Variants in NELL2 observed in about 807,000 individuals in gnomAD.
NELL2 encodes the protein neural EGFL like 2, also known as protein kinase C-binding protein NELL2.
In NELL2, 41 loss-of-function variants were observed where a neutral mutation model predicts 109.6. The observed-to-expected ratio is 0.37, with a 90% CI of 0.29 to 0.49. The LOEUF (loss-of-function observed/expected upper bound fraction) is 0.49. Ranked by LOEUF, NELL2 falls within the 20% of genes least tolerant of loss-of-function variation. The pLI, the probability that NELL2 is intolerant of heterozygous loss-of-function variation, is 0.98. For missense variants in NELL2, 900 were observed against 1,008.3 expected (o/e 0.89, Z 1.45); for synonymous variants, 355 against 344.7 (o/e 1.03, Z -0.33).
At chr12:44,593,887 G>C (rs1249607880) in intron 15 of NELL2, among the ~76,000 whole-genome samples, 1 of 152,076 alleles carries the variant, frequency 6.6e-6, no homozygotes, top group Non-Finnish European at 1.5e-5. Flanking sequence ...CAACCCAAAT[G>C]CCCATCAATG....
chr12:44,518,843 C>T (rs1359755915), intron 19 of NELL2, among the ~76,000 whole-genome samples: 4 of 152,122 alleles, frequency 2.6e-5, no homozygotes, highest in East Asian at 1.9e-4. Flanking sequence ...AAAGGAACAT[C>T]GCATATACAT....
chr12:44,731,305 AC>A (rs1480293387), intron 9 of NELL2, among the ~76,000 whole-genome samples: 6 of 152,154 alleles, frequency 3.9e-5, no homozygotes, highest in African/African-American at 1.4e-4. Context: ...AAAGAGTACT[AC>A]AAGCCAGTAT....
intron 2 of NELL2, among the ~76,000 whole-genome samples, chr12:44,874,259 C>T (rs993650583): frequency 1.3e-5 from 2 of 152,148 alleles, no homozygotes. Context: ...ACAACAACAA[C>T]AACAAAAATC....
At chr12:44,918,895 G>A (rs1385377849), upstream of NELL2, among the ~76,000 whole-genome samples, 2 of 152,078 alleles carry the variant, frequency 1.3e-5, no homozygotes, top group Non-Finnish European at 2.9e-5. Context: ...CAATGTAGAG[G>A]CTAACACTGC....
At chr12:44,755,659 G>C (rs1333265577) in intron 9 of NELL2, among the ~76,000 whole-genome samples, 1 of 152,018 alleles carries the variant, frequency 6.6e-6, no homozygotes. Context: ...CTTCCAGGTG[G>C]CCTCAACTAT....
intron 12 of NELL2, among the ~76,000 whole-genome samples, chr12:44,701,974 T>G (rs1430625024): frequency 6.6e-6 from 1 of 152,146 alleles, no homozygotes; most frequent in Non-Finnish European, 1.5e-5. Context: ...TCCACTACGT[T>G]TTCCTTCATT....
chr12:44,701,584 T>C (rs1456554745), intron 12 of NELL2, among the ~76,000 whole-genome samples: 1 of 152,158 alleles, frequency 6.6e-6, no homozygotes, highest in Non-Finnish European at 1.5e-5. Flanking sequence ...ATCCATGTGT[T>C]GCTCAGATTC....
intron 13 of NELL2, among the ~76,000 whole-genome samples, chr12:44,637,996 T>C (rs562672297): frequency 8.5e-4 from 130 of 152,226 alleles, no homozygotes; most frequent in African/African-American, 3.1e-3. Flanking sequence ...TCTTTCTTAC[T>C]GCAAAAGCCC....
intron 3 of NELL2, among the ~76,000 whole-genome samples, chr12:44,806,887 AT>A (rs942039173): frequency 6.6e-6 from 1 of 151,806 alleles, no homozygotes; most frequent in Non-Finnish European, 1.5e-5. Flanking sequence ...TATATTTCAA[AT>A]GAGGGAGGGG....
chr12:44,840,510 G>A (rs768638272), intron 2 of NELL2, among the ~76,000 whole-genome samples: 15 of 152,076 alleles, frequency 9.9e-5, no homozygotes, highest in African/African-American at 2.2e-4. Context: ...GGTGGTGGGC[G>A]CCTGTAGTGC....
At chr12:44,699,862 G>A (rs1028759693) in intron 12 of NELL2, among the ~76,000 whole-genome samples, 9 of 151,888 alleles carry the variant, frequency 5.9e-5, no homozygotes, top group South Asian at 2.1e-4. Flanking sequence ...GTTTGCTATC[G>A]CCATCACCAA....
Position 44,636,886 on chromosome 12 carries a change from C to T in NELL2, c.1445-25916G>A, listed in dbSNP as rs531238893. ...TGCTTTGATTCCGTCTGGTCTGGTG[C>T]TTTTTTTGCTTGGTAGGCTATTATT... is the stretch of plus-strand genomic sequence containing the variant. On this transcript the variant is annotated intron_variant, in intron 13 of 19. Transcript: ENST00000429094. 1.8e-3 allele frequency among the ~76,000 whole-genome samples: 272 copies of T among 152,064 alleles called. 2 individuals are homozygous for T. The highest frequency in any genetic ancestry group is 3.3e-3 in the Non-Finnish European group (224 of 67,974).
chr12:44,565,000 A>G (rs892572121), intron 15 of NELL2, among the ~76,000 whole-genome samples: 11 of 152,160 alleles, frequency 7.2e-5, no homozygotes, highest in Admixed American at 3.3e-4. Context: ...TCCTCTGAGG[A>G]TGCCTTACAA....
chr12:44,899,562 C>G (rs572932157), intron 1 of NELL2, among the ~76,000 whole-genome samples: 1 of 152,282 alleles, frequency 6.6e-6, no homozygotes, highest in East Asian at 1.9e-4. Flanking sequence ...CAAGCAAATG[C>G]TGAGAGATTT....
At chr12:44,540,706 T>A (rs1028132356) in intron 15 of NELL2, among the ~76,000 whole-genome samples, 2 of 148,456 alleles carry the variant, frequency 1.3e-5, no homozygotes, top group African/African-American at 5.0e-5. Flanking sequence ...CAAAGTCCCC[T>A]GCATTTCAGT....
chr12:44,844,131 T>C (rs985172923), intron 2 of NELL2, among the ~76,000 whole-genome samples: 3 of 152,196 alleles, frequency 2.0e-5, no homozygotes, highest in Non-Finnish European at 2.9e-5. Context: ...GAATGCTGCA[T>C]GAAGCCTATT....
chr12:44,678,748 G>A (rs1948399624), intron 12 of NELL2, among the ~76,000 whole-genome samples: 1 of 152,036 alleles, frequency 6.6e-6, no homozygotes, highest in African/African-American at 2.4e-5. Flanking sequence ...AGAAGGGAGA[G>A]GTCGATAGAA....
chr12:44,524,161 T>C (rs1248379210), intron 16 of NELL2, among the ~76,000 whole-genome samples: 1 of 152,196 alleles, frequency 6.6e-6, no homozygotes, highest in South Asian at 2.1e-4. Flanking sequence ...ATTATCATTT[T>C]GTCCCCTGTC....
At chr12:44,644,592 A>ATATATATGTATG (rs1555190822) in intron 13 of NELL2, among the ~76,000 whole-genome samples, 25 of 97,022 alleles carry the variant, frequency 2.6e-4, no homozygotes, top group African/African-American at 1.1e-3. Context: ...ATATATATAT[A>ATATATATGTATG]TATATATATA....
Sources: gnomAD v4.1 joint callset for allele counts (sites outside exome capture counted in the v4.1 genomes callset) on GRCh38, gnomAD v4.1.1 for gene constraint, MANE v1.5 for transcripts, NCBI Gene and HGNC (gene_info 2026-07-23, HGNC 2026-07-21) for gene names.